Variants in KLHL22 observed in about 807,000 individuals in gnomAD.
The protein encoded by KLHL22 is kelch like family member 22.
Under a neutral mutation model 60.7 loss-of-function variants are expected in KLHL22, and 18 were observed. That is an observed-to-expected ratio of 0.30 (90% CI 0.20 to 0.44). The LOEUF (loss-of-function observed/expected upper bound fraction) is 0.44, where lower values mean the gene tolerates loss of function less well. Ranked by LOEUF, KLHL22 falls within the 20% of genes least tolerant of loss-of-function variation. KLHL22 has a pLI of 1.00. For synonymous variants in KLHL22, 355 were observed against 354.5 expected (o/e 1.00, Z -0.01); for missense variants, 596 against 852.3 (o/e 0.70, Z 3.74).
chr22:20,493,357 G>A, intron 1 of KLHL22: 1 of 413,484 alleles, frequency 2.4e-6, no homozygotes. Context: ...CTGGGAAGGA[G>A]CACAGCACAG....
At chr22:20,483,901 C>T in intron 2 of KLHL22, 1 of 691,428 alleles carries the variant, frequency 1.4e-6, no homozygotes, top group Non-Finnish European at 2.6e-6. Context: ...GCCAGATCCC[C>T]AGCCATCCCC....
Position 20,488,874 on chromosome 22 carries a change from G to A in KLHL22, c.227+111C>T. The A allele has an allele frequency of 4.1e-6, 4 of 967,500 alleles. No homozygotes were observed. In the South Asian group the frequency reaches 6.2e-5, roughly 15 times the overall value. The allele number at this position is 967,500 out of a possible 1,614,324, so 59.9% of individuals were successfully genotyped here. A position where few individuals can be genotyped will look rare whatever the true frequency, so the allele number is the denominator to read the frequency against. On this transcript the variant is annotated intron_variant, in intron 2 of 6. Coordinates refer to ENST00000328879, the MANE Select transcript of KLHL22 (RefSeq NM_032775.4). ...ACTAAGTCATAGCCACAAGGAGTAG[G>A]GGAGGCTCTGAGGTGAGCAGGAGAC...
chr22:20,474,049 G>T (rs1229337255), intron 2 of KLHL22, among the ~76,000 whole-genome samples: 1 of 152,152 alleles, frequency 6.6e-6, no homozygotes, highest in Non-Finnish European at 1.5e-5. Context: ...GCCTGGGCTG[G>T]AGTGCAGTGG....
chr22:20,484,068 T>C (rs1055566519), intron 2 of KLHL22: 4 of 979,220 alleles, frequency 4.1e-6, no homozygotes, highest in Non-Finnish European at 6.4e-6. Flanking sequence ...CAGGGACCAG[T>C]AGTTGGTGGA....
At chr22:20,447,161 C>T (rs890008294) in intron 5 of KLHL22, among the ~76,000 whole-genome samples, 4 of 152,196 alleles carry the variant, frequency 2.6e-5, no homozygotes, top group African/African-American at 4.8e-5. Context: ...GAGAAAAATA[C>T]ACATGGTTCT....
chr22:20,470,778 GGATGGATA>G (rs1298553787), intron 3 of KLHL22, among the ~76,000 whole-genome samples: 1 of 119,884 alleles, frequency 8.3e-6, no homozygotes, highest in South Asian at 2.9e-4. Context: ...ATGCATGGAT[GGATGGATA>G]GATGGATGGA....
Position 20,465,903 on chromosome 22 carries a change from C to T in KLHL22, c.394-327G>A, listed in dbSNP as rs1390880006. Reference sequence around the variant, plus strand: ...GAATCTCGGCTCACTAACACCTCCCCCTCCCGGGTTGAAATGATTCTCCTG... The same window carrying T: ...GAATCTCGGCTCACTAACACCTCCCTCTCCCGGGTTGAAATGATTCTCCTG... On this transcript the variant is annotated intron_variant, in intron 3 of 6. Transcript: ENST00000328879. The surrounding 1 kb of genome is among the most constrained non-coding windows in gnomAD (Gnocchi z 4.9). Among the ~76,000 whole-genome samples, 1 of 152,064 alleles carries T rather than the reference C, an allele frequency of 6.6e-6. No individual in the cohort carries two copies.
intron 2 of KLHL22, among the ~76,000 whole-genome samples, chr22:20,477,322 C>T (rs939099178): frequency 8.6e-5 from 13 of 151,720 alleles, no homozygotes; most frequent in Middle Eastern, 3.4e-3. Flanking sequence ...ACCTGGGAGG[C>T]GGAGGTTGCA....
intron 2 of KLHL22, among the ~76,000 whole-genome samples, chr22:20,481,694 T>G (rs1569143139): frequency 6.6e-6 from 1 of 152,172 alleles, no homozygotes; most frequent in Admixed American, 6.5e-5. Flanking sequence ...AGCTTCAACC[T>G]CCAGGCTCAA....
At chr22:20,443,080 A>G (rs149988395) in intron 6 of KLHL22, among the ~76,000 whole-genome samples, 1 of 152,202 alleles carries the variant, frequency 6.6e-6, no homozygotes, top group African/African-American at 2.4e-5. Context: ...ACTAGCAACC[A>G]CTGCAGAGAA....
chr22:20,466,372 T>TAAA lies in KLHL22; in HGVS notation c.394-799_394-797dup, dbSNP rs361874. Among the ~76,000 whole-genome samples, 102 of 70,564 alleles carry TAAA rather than the reference T, an allele frequency of 1.4e-3. 1 individual carries two copies. The highest frequency in any genetic ancestry group is 4.2e-3 in the African/African-American group (75 of 17,724). The allele number at this position is 70,564 out of a possible 152,430, so 46.3% of individuals were successfully genotyped here. On this transcript the variant is annotated intron_variant, in intron 3 of 6. Coordinates refer to ENST00000328879, the MANE Select transcript of KLHL22 (RefSeq NM_032775.4). Reference sequence around the variant, plus strand: ...CTGGGTGACAGAGCGAGACTCCGTCTAAAAAAAAAAAAAAAAAAAAAAAAA... The same window carrying TAAA: ...CTGGGTGACAGAGCGAGACTCCGTCTAAAAAAAAAAAAAAAAAAAAAAAAAAAA...
chr22:20,490,041 G>A (rs1461504949), intron 1 of KLHL22, among the ~76,000 whole-genome samples: 2 of 152,162 alleles, frequency 1.3e-5, no homozygotes, highest in Non-Finnish European at 2.9e-5. Context: ...ATGCACTTTT[G>A]CCATGGAGCA....
At chr22:20,484,462 T>A (rs1192062924) in intron 2 of KLHL22, among the ~76,000 whole-genome samples, 2 of 152,066 alleles carry the variant, frequency 1.3e-5, no homozygotes, top group Non-Finnish European at 2.9e-5. Flanking sequence ...GCCCAGCTAA[T>A]TTTTGTATTT....
At chr22:20,491,481 G>A (rs2053689741) in intron 1 of KLHL22, 1 of 152,158 alleles carries the variant, frequency 6.6e-6, no homozygotes, top group Admixed American at 6.6e-5. Context: ...CATCACTCTG[G>A]AAAGTCCAAA....
rs754008075 is a variant in KLHL22, at chr22:20,457,810, C to G, written c.1303G>C (p.Glu435Gln). 24 of 1,593,956 alleles carry G rather than the reference C, an allele frequency of 1.5e-5. No individual in the cohort carries two copies. The Admixed American group carries it at 3.9e-4, about 26-fold the overall frequency. Residue 435 changes from glutamate to glutamine, a missense_variant and splice_region_variant, in exon 5 of 7, where the codon GAG becomes CAG. Coordinates refer to ENST00000328879, the MANE Select transcript of KLHL22 (RefSeq NM_032775.4). ...CCCCTCTTCGAGGGCTTCCTTACCT[C>G]CCTCTTGAGTGGGGCCACGTATGCC... ...SWAYVAPLKR[E>Q]VYAHAGATLE...
chr22:20,449,089 C>T (rs1435006711), intron 5 of KLHL22, among the ~76,000 whole-genome samples: 1 of 151,930 alleles, frequency 6.6e-6, no homozygotes, highest in Non-Finnish European at 1.5e-5. Context: ...GAGACAGAGT[C>T]TTGCCGTGTC....
At position 20,465,274 on chromosome 22, in the gene KLHL22, G is replaced by A. The variant is rs760410921; in HGVS notation, c.696C>T (p.Ile232=). 6.2e-7 allele frequency: 1 copy of A among 1,613,918 alleles called. No individual in the cohort carries two copies. The highest frequency in any genetic ancestry group is 8.5e-7 in the Non-Finnish European group (1 of 1,180,028). The stretch of plus-strand genomic sequence containing the variant: ...GGAGCTTTGGGGGCTCGTGCAGCGA[G>A]ATCTGGTCAGCCTGCACCTGCTCCA... The part of the protein sequence containing the change: ...YSLEQVQADQ[I]SLHEPPKLLE... Residue 232 remains isoleucine, a synonymous_variant, in exon 4 of 7, where the codon ATC becomes ATT. Transcript: ENST00000328879. The surrounding 1 kb of genome is among the most constrained non-coding windows in gnomAD (Gnocchi z 4.9).
chr22:20,489,976 A>G, intron 1 of KLHL22: 1 of 358,738 alleles, frequency 2.8e-6, no homozygotes, highest in Admixed American at 4.0e-5. Context: ...AAAAACCGCA[A>G]ACTGATTTGA....
rs369566033 is a variant in KLHL22 at position 20,477,352 on chromosome 22, C to T, written c.228-5837G>A. Among the ~76,000 whole-genome samples, 28 of 151,902 alleles carry T rather than the reference C, an allele frequency of 1.8e-4. No homozygotes were observed. The East Asian group carries it at 1.9e-3, about 11-fold the overall frequency. ...GTTGCAGTGAGCTGATATCGCACCACTACTCTGTGACAGAGCAACACTGTG... is the reference window on the plus strand; with the variant it reads ...GTTGCAGTGAGCTGATATCGCACCATTACTCTGTGACAGAGCAACACTGTG... On this transcript the variant is annotated intron_variant, in intron 2 of 6. Coordinates refer to ENST00000328879, the MANE Select transcript of KLHL22 (RefSeq NM_032775.4).
Sources: allele counts gnomAD v4.1 joint callset (sites outside exome capture counted in the v4.1 genomes callset), GRCh38; gene constraint gnomAD v4.1.1; non-coding constraint Gnocchi (gnomAD v3.1); transcripts MANE v1.5; gene names NCBI Gene and HGNC (gene_info 2026-07-23, HGNC 2026-07-21).